The following ZBTB16 variants were observed in gnomAD, a reference collection of about 807,000 sequenced individuals.
ZBTB16 encodes the protein zinc finger and BTB domain containing 16.
ZBTB16 carries 8 observed loss-of-function variants against 56.8 expected under a neutral mutation model. That is an observed-to-expected ratio of 0.14 (90% CI 0.08 to 0.25). The LOEUF is 0.25. ZBTB16 is among the 10% of genes least tolerant of loss of function. The pLI, the probability that ZBTB16 is intolerant of heterozygous loss-of-function variation, is 1.00. For synonymous variants in ZBTB16, 363 were observed against 368.5 expected (o/e 0.98, Z 0.17); for missense variants, 625 against 903.0 (o/e 0.69, Z 3.95).
intron 2 of ZBTB16, among the ~76,000 whole-genome samples, chr11:114,144,384 G>A (rs1040798360): frequency 5.9e-5 from 9 of 152,184 alleles, no homozygotes; most frequent in Admixed American, 4.6e-4. Context: ...TCTCTTTGAA[G>A]TGCTTTCTAC....
intron 2 of ZBTB16, among the ~76,000 whole-genome samples, chr11:114,126,946 T>G (rs771999766): frequency 2.0e-5 from 3 of 152,182 alleles, no homozygotes; most frequent in Non-Finnish European, 2.9e-5. Context: ...TGTAATAGTC[T>G]CTTCTCCGCA....
rs1942415239 is a variant in ZBTB16, at chr11:114,156,509, C to T, written c.1366+75C>T. 3.7e-6 allele frequency: 5 copies of T among 1,361,760 alleles called. No homozygotes were observed. In the Admixed American group the frequency reaches 8.6e-5, roughly 23 times the overall value. 84.4% of individuals were successfully genotyped at this position (1,361,760 alleles called of 1,614,324 possible). ...TGCTTGCCTTTACCCCTCCTCAGAG[C>T]CTGCTGTGGCCTGCATGTCCCCACT... is the stretch of plus-strand genomic sequence containing the variant. On this transcript the variant is annotated intron_variant, in intron 3 of 6. Coordinates refer to ENST00000335953, the MANE Select transcript of ZBTB16 (RefSeq NM_006006.6).
In ZBTB16 at chr11:114,251,708, A is replaced by T. The variant is rs970651211; in HGVS notation, c.*1153A>T. Among the ~76,000 whole-genome samples, 14 of 152,188 alleles carry T rather than the reference A, an allele frequency of 9.2e-5. No homozygotes were observed. Among genetic ancestry groups the T allele is most frequent in the Admixed American group, 3.3e-4 (5 of 15,280 alleles). ...CCAGGTCCAGAGAGAGTCGCACAGA[A>T]TTCCTGACTCACAGCGCCCCTCGGT... On this transcript the variant is annotated 3_prime_UTR_variant, in exon 7 of 7. Coordinates refer to ENST00000335953, the MANE Select transcript of ZBTB16 (RefSeq NM_006006.6).
At chr11:114,191,494 G>A (rs932370545) in intron 4 of ZBTB16, among the ~76,000 whole-genome samples, 1 of 152,174 alleles carries the variant, frequency 6.6e-6, no homozygotes, top group Non-Finnish European at 1.5e-5. Context: ...CTAGGCTTAT[G>A]TAAGTGTGCT....
chr11:114,152,580 A>G (rs564790273), intron 2 of ZBTB16, among the ~76,000 whole-genome samples: 13 of 152,324 alleles, frequency 8.5e-5, no homozygotes, highest in Middle Eastern at 3.4e-3. Flanking sequence ...AGAGTTGGGG[A>G]GAACTTGAGT....
intron 2 of ZBTB16, among the ~76,000 whole-genome samples, chr11:114,095,991 G>C (rs1207182762): frequency 1.3e-5 from 2 of 152,156 alleles, no homozygotes; most frequent in African/African-American, 4.8e-5. Flanking sequence ...AATTGGCTTA[G>C]AATTGGATTT....
In ZBTB16 at chr11:114,062,104, C is replaced by CTT. The variant is rs35612820; in HGVS notation, c.-90-1094_-90-1093dup. ...GTGTGTGTGTGTAAACACACACACA[C>CTT]TTTTTTTTTTTTTTCTGAGACGGAG... On this transcript the variant is annotated intron_variant, in intron 1 of 6. Transcript: ENST00000335953. Among the ~76,000 whole-genome samples, 262 of 143,746 alleles carry CTT rather than the reference C, an allele frequency of 1.8e-3. 2 individuals carry two copies. Among genetic ancestry groups the CTT allele is most frequent in the Admixed American group, 7.0e-3 (101 of 14,438 alleles). 94.3% of individuals were successfully genotyped at this position (143,746 alleles called of 152,430 possible).
intron 2 of ZBTB16, among the ~76,000 whole-genome samples, chr11:114,116,305 C>A (rs543458574): frequency 1.6e-4 from 24 of 152,298 alleles, no homozygotes; most frequent in African/African-American, 5.5e-4. Flanking sequence ...TATAGAGGCA[C>A]AACTGACTTT....
rs139077216 is a variant in ZBTB16 at position 114,143,244 on chromosome 11, C to T, written c.1269-13093C>T. 1.6e-3 allele frequency among the ~76,000 whole-genome samples: 247 copies of T among 152,272 alleles called. No homozygotes were observed. Among genetic ancestry groups the T allele is most frequent in the Non-Finnish European group, 3.0e-3 (207 of 68,020 alleles). ...CACTGTACAGCCAAGATGCATCCAC[C>T]CCTCATCCATCCACTAATGCTGTGC... On this transcript the variant is annotated intron_variant, in intron 2 of 6. Coordinates refer to ENST00000335953, the MANE Select transcript of ZBTB16 (RefSeq NM_006006.6). The surrounding 1 kb of genome is among the most constrained non-coding windows in gnomAD (Gnocchi z 6.4).
chr11:114,170,997 C>A (rs764692242), intron 3 of ZBTB16, among the ~76,000 whole-genome samples: 2 of 152,156 alleles, frequency 1.3e-5, no homozygotes, highest in Non-Finnish European at 2.9e-5. Flanking sequence ...TGGACATAAT[C>A]CAGCACATCT....
chr11:114,119,171 A>G (rs1476947054), intron 2 of ZBTB16, among the ~76,000 whole-genome samples: 3 of 145,762 alleles, frequency 2.1e-5, no homozygotes, highest in Non-Finnish European at 3.0e-5. Flanking sequence ...AGGCTGAGGC[A>G]GGAGAATCGC....
chr11:114,192,471 G>A (rs934162224), intron 4 of ZBTB16, among the ~76,000 whole-genome samples: 4 of 152,186 alleles, frequency 2.6e-5, no homozygotes, highest in Non-Finnish European at 5.9e-5. Flanking sequence ...GGACTAAAGT[G>A]GAAGAAGGAA....
At chr11:114,174,204 A>G (rs1414313108) in intron 3 of ZBTB16, among the ~76,000 whole-genome samples, 4 of 152,180 alleles carry the variant, frequency 2.6e-5, no homozygotes, top group Admixed American at 2.0e-4. Flanking sequence ...TCTGTCGGAT[A>G]GACAGTGTTG....
intron 2 of ZBTB16, among the ~76,000 whole-genome samples, 153 bp from the exon 3 acceptor site, chr11:114,156,184 T>A (rs144760914): frequency 1.3e-5 from 2 of 152,346 alleles, no homozygotes; most frequent in East Asian, 1.9e-4. Context: ...TTACGCTGTC[T>A]GAGGATCCAG....
intron 4 of ZBTB16, among the ~76,000 whole-genome samples, chr11:114,195,528 G>A (rs929770717): frequency 6.6e-6 from 1 of 152,200 alleles, no homozygotes; most frequent in African/African-American, 2.4e-5. Flanking sequence ...TCCTAGGAAA[G>A]TTTGAGCCCT....
chr11:114,159,923 C>T (rs1301520413), intron 3 of ZBTB16, among the ~76,000 whole-genome samples: 2 of 70,182 alleles, frequency 2.8e-5, no homozygotes, highest in Admixed American at 2.9e-4. Flanking sequence ...CTCCAGAACC[C>T]TGGGCGGGGG....
chr11:114,060,952 G>A lies in ZBTB16; in HGVS notation c.-91+1070G>A, dbSNP rs886424855. ...GCTTTTGTGCTTCCCCTTCGCCGCG[G>A]GGCGGGTCCGCCTCCCCTGCCGCTC... On this transcript the variant is annotated intron_variant, in intron 1 of 6. Transcript: ENST00000335953. This position sits in a 1 kb window ranked among gnomAD's most constrained non-coding sequence, Gnocchi z 6.0. 6.6e-6 allele frequency among the ~76,000 whole-genome samples: 1 copy of A among 152,128 alleles called. No individual in the cohort carries two copies. The highest frequency in any genetic ancestry group is 1.5e-5 in the Non-Finnish European group (1 of 67,982).
rs370641059 is a variant in ZBTB16 at position 114,064,412 on chromosome 11, A to G, written c.1112A>G (p.Tyr371Cys). 2 of 1,614,036 alleles carry G rather than the reference A, an allele frequency of 1.2e-6. No homozygotes were observed. The highest frequency in any genetic ancestry group is 1.6e-4 in the Middle Eastern group (1 of 6,062). The part of the protein sequence containing the change: ...ALAVSMDFST[Y>C]GGLLPQGFIQ... ...GCTGTCTCCATGGACTTCAGCACCT[A>G]TGGGGGGCTGCTGCCCCAGGGCTTC... The change falls in exon 2 of 7, where the codon TAT becomes TGT. Residue 371 changes from tyrosine (Y) to cysteine (C), a missense_variant. By Grantham distance (194) the Tyr-to-Cys change is radical. Coordinates refer to ENST00000335953, the MANE Select transcript of ZBTB16 (RefSeq NM_006006.6). The surrounding 1 kb of genome is among the most constrained non-coding windows in gnomAD (Gnocchi z 4.2).
chr11:114,223,092 T>C (rs935547127), intron 4 of ZBTB16, among the ~76,000 whole-genome samples: 3 of 152,206 alleles, frequency 2.0e-5, no homozygotes, highest in African/African-American at 7.2e-5. Context: ...AGGTGCTCGT[T>C]GGCTGCAATC....
Sources: gnomAD v4.1 joint callset for allele counts (sites outside exome capture counted in the v4.1 genomes callset) on GRCh38, gnomAD v4.1.1 for gene constraint, Gnocchi (gnomAD v3.1) non-coding constraint, MANE v1.5 for transcripts, NCBI Gene and HGNC (gene_info 2026-07-23, HGNC 2026-07-21) for gene names.